The following SLC6A2 variants were observed in gnomAD, a reference collection of about 807,000 sequenced individuals.
SLC6A2 encodes solute carrier family 6 member 2.
Under a neutral mutation model 71.7 loss-of-function variants are expected in SLC6A2, and 26 were observed. That is an observed-to-expected ratio of 0.36 (90% confidence interval 0.27 to 0.50). The LOEUF (loss-of-function observed/expected upper bound fraction) is 0.50. SLC6A2 is among the 20% of genes least tolerant of loss of function. The probability of loss-of-function intolerance (pLI) is 0.96; values close to 1 mark genes in which losing one functional copy is unlikely to be tolerated. For missense variants in SLC6A2, 581 were observed against 803.9 expected (o/e 0.72, Z 3.35); for synonymous variants, 363 against 337.9 (o/e 1.07, Z -0.82).
rs150711505 is a variant in SLC6A2 at position 55,683,049 on chromosome 16, CA to C, written c.645-2091del. On this transcript the variant is annotated intron_variant, in intron 4 of 14. Coordinates refer to ENST00000568943, the MANE Select transcript of SLC6A2 (RefSeq NM_001172501.3). ...ACAAATGAACGATTAGGGTGCAGAG[CA>C]AATACCACACCAAGTTGTTCCCATT... Among the ~76,000 whole-genome samples the C allele has an allele frequency of 2.8e-3, 422 of 152,250 alleles. 3 individuals are homozygous for C. The highest frequency in any genetic ancestry group is 9.6e-3 in the African/African-American group (399 of 41,554).
In SLC6A2 at chr16:55,702,744, T is replaced by TCC; in HGVS notation, c.*400_*401dup. ...GGATGGGCTTTTGATCAGATACCCC[T>TCC]CCCAAAAAAAAAAAAAACTAAAACT... On this transcript the variant is annotated 3_prime_UTR_variant, in exon 15 of 15. Transcript: ENST00000568943. 4 of 645,194 alleles carry TCC rather than the reference T, an allele frequency of 6.2e-6. No homozygotes were observed. The African/African-American group carries it at 1.3e-4, about 20-fold the overall frequency. 40.0% of individuals were successfully genotyped at this position (645,194 alleles called of 1,614,324 possible).
rs1439541089 is a variant in SLC6A2 at position 55,702,384 on chromosome 16, G to A, written c.*38G>A. The A allele has an allele frequency of 6.8e-6, 11 of 1,614,162 alleles. No homozygotes were observed. The highest frequency in any genetic ancestry group is 9.3e-6 in the Non-Finnish European group (11 of 1,180,028). ...GAGAAGGAGGAACCCCCATGCCAAT[G>A]TCCAGGTCACAGGCATCCGCTGCGC... On this transcript the variant is annotated 3_prime_UTR_variant, in exon 15 of 15. Transcript: ENST00000568943.
intron 3 of SLC6A2, among the ~76,000 whole-genome samples, chr16:55,670,420 T>A (rs1297095783): frequency 6.6e-6 from 1 of 152,228 alleles, no homozygotes; most frequent in African/African-American, 2.4e-5. Context: ...GTTACTTTTT[T>A]TGTTGTTAAT....
chr16:55,701,802 A>C (rs535798765), intron 13 of SLC6A2, 61 bp from the exon 14 acceptor site: 7 of 1,287,552 alleles, frequency 5.4e-6, no homozygotes, highest in South Asian at 2.4e-5. Flanking sequence ...GGGTGCAGCC[A>C]GGCTGCCAGA....
chr16:55,671,588 C>A, intron 3 of SLC6A2: 1 of 493,718 alleles, frequency 2.0e-6, no homozygotes. Flanking sequence ...ACCGCCTGAG[C>A]TCCGCCTCCT....
At position 55,703,784 on chromosome 16, in the gene SLC6A2, G is replaced by A. The variant is rs576608403; in HGVS notation, c.*1438G>A. 121 of 985,378 alleles carry A rather than the reference G, an allele frequency of 1.2e-4. No homozygotes were observed. The African/African-American group carries it at 1.7e-3, about 14-fold the overall frequency. 61.0% of individuals were successfully genotyped at this position (985,378 alleles called of 1,614,324 possible). On this transcript the variant is annotated 3_prime_UTR_variant, in exon 15 of 15. Transcript: ENST00000568943. ...AATAAAGAAGCCGCTGCATTCGCAC[G>A]TCAAGAAGGTGCTTTGCCTCAAATT...
At position 55,705,328 on chromosome 16, in the gene SLC6A2, G is replaced by A. The variant is rs1429132831; in HGVS notation, c.*2982G>A. 16 of 1,216,662 alleles carry A rather than the reference G, an allele frequency of 1.3e-5. No homozygotes were observed. Among genetic ancestry groups the A allele is most frequent in the Non-Finnish European group, 1.6e-5 (14 of 862,064 alleles). The allele number at this position is 1,216,662 out of a possible 1,614,324, so 75.4% of individuals were successfully genotyped here. On this transcript the variant is annotated 3_prime_UTR_variant, in exon 15 of 15. Transcript: ENST00000568943. Reference sequence around the variant, plus strand: ...AAAAGGAGTTACCGCTCAGCTGGGAGCCAGTTCCTGCTATATGATCTGTTT... The same window carrying A: ...AAAAGGAGTTACCGCTCAGCTGGGAACCAGTTCCTGCTATATGATCTGTTT...
At position 55,673,240 on chromosome 16, in the gene SLC6A2, G is replaced by A. The variant is rs1964978651; in HGVS notation, c.644+1065G>A. 2.0e-5 allele frequency among the ~76,000 whole-genome samples: 3 copies of A among 152,334 alleles called. No individual in the cohort carries two copies. In the South Asian group the frequency reaches 6.2e-4, roughly 32 times the overall value. ...TATGCATTTTGGCGTGATTACCCTA[G>A]GAATGATGCTGTGCCCTCCTCAGTG... On this transcript the variant is annotated intron_variant, in intron 4 of 14. Transcript: ENST00000568943.
intron 4 of SLC6A2, among the ~76,000 whole-genome samples, 167 bp downstream of exon 4, chr16:55,672,342 C>T (rs1439829707): frequency 6.6e-6 from 1 of 152,128 alleles, no homozygotes; most frequent in Non-Finnish European, 1.5e-5. Flanking sequence ...GGACACGCCA[C>T]GGTCGAGGTA....
At chr16:55,696,382 C>T (rs1294426383) in intron 9 of SLC6A2, 45 bp downstream of exon 9, 1 of 1,145,742 alleles carries the variant, frequency 8.7e-7, no homozygotes, top group Admixed American at 1.7e-5. Flanking sequence ...CCCACTGGGC[C>T]TGACCCCCTT....
chr16:55,687,548 C>G (rs1351974132), intron 5 of SLC6A2, among the ~76,000 whole-genome samples: 1 of 144,456 alleles, frequency 6.9e-6, no homozygotes, highest in Admixed American at 6.7e-5. Flanking sequence ...AAGCCCCAGG[C>G]CAGCCTTGTC....
chr16:55,697,906 A>T lies in SLC6A2; in HGVS notation c.1270A>T (p.Met424Leu). ...TCCTGGTTCCCTCCAGATGGGAGGC[A>T]TGGAGGCTGTCATCACGGGCCTGGC... ...ALGLDSSMGG[M>L]EAVITGLADD... Residue 424 changes from methionine to leucine, a missense_variant, in exon 10 of 15, where the codon ATG becomes TTG. Transcript: ENST00000568943. The T allele has an allele frequency of 2.5e-6, 4 of 1,614,040 alleles. No homozygotes were observed. The highest frequency in any genetic ancestry group is 2.5e-6 in the Non-Finnish European group (3 of 1,179,986).
rs1157162858 is a variant in SLC6A2, at chr16:55,669,605, G to A, written c.315G>A (p.Ala105=). The change falls in exon 3 of 15, where the codon GCG becomes GCA. Residue 105 remains alanine, a synonymous_variant. Transcript: ENST00000568943. ...CGTACACACTGTTCCTTATCATCGC[G>A]GGGATGCCCCTGTTCTACATGGAGC... is the stretch of plus-strand genomic sequence containing the variant. The part of the protein sequence containing the change: ...LIPYTLFLII[A]GMPLFYMELA... 6 of 1,613,914 alleles carry A rather than the reference G, an allele frequency of 3.7e-6. No homozygotes were observed. Among genetic ancestry groups the A allele is most frequent in the Admixed American group, 1.7e-5 (1 of 59,990 alleles).
At chr16:55,668,098 C>G (rs1020080947) in intron 2 of SLC6A2, among the ~76,000 whole-genome samples, 14 of 152,142 alleles carry the variant, frequency 9.2e-5, no homozygotes, top group Admixed American at 4.6e-4. Context: ...TGCCCTGCCC[C>G]CCACCACTGA....
intron 11 of SLC6A2, among the ~76,000 whole-genome samples, chr16:55,698,808 C>T (rs1028060684): frequency 1.3e-5 from 2 of 152,200 alleles, no homozygotes; most frequent in Non-Finnish European, 2.9e-5. Flanking sequence ...AAAATGCTGA[C>T]CCCCAAGTCA....
Position 55,700,318 on chromosome 16 carries a change from T to G in SLC6A2, c.1758+12T>G, listed in dbSNP as rs541982770. 2.5e-6 allele frequency: 4 copies of G among 1,580,572 alleles called. No individual in the cohort carries two copies. In the South Asian group the frequency reaches 4.4e-5, roughly 17 times the overall value. ...GCTCTCTTTGGGAGGTGAGCTCTGG[T>G]CCTCCCCAGGGGAACAGGGTGGGAG... On this transcript the variant is annotated intron_variant, in intron 13 of 14. Transcript: ENST00000568943.
Position 55,695,372 on chromosome 16 carries a change from A to C in SLC6A2, c.1117A>C (p.Lys373Gln). The C allele has an allele frequency of 6.2e-7, 1 of 1,614,222 alleles. No homozygotes were observed. The highest frequency in any genetic ancestry group is 8.5e-7 in the Non-Finnish European group (1 of 1,180,022). Residue 373 changes from lysine (K) to glutamine (Q), a missense_variant, in exon 8 of 15, where the codon AAG (lysine) becomes CAG (glutamine). This residue lies in a region of SLC6A2 where 334 missense variants were observed against 449.0 expected (regional missense o/e 0.74). Coordinates refer to ENST00000568943, the MANE Select transcript of SLC6A2 (RefSeq NM_001172501.3). ...SILGYMAHEHKVNIEDVATEG... is the reference protein window; with the variant it reads ...SILGYMAHEHQVNIEDVATEG... ...CCTTGGTTACATGGCCCATGAACAC[A>C]AGGTCAACATTGAGGATGTGGCCAC...
In SLC6A2 at chr16:55,694,039, T is replaced by G. The variant is rs1201239658; in HGVS notation, c.948T>G (p.Phe316Leu). 1 of 1,613,910 alleles carries G rather than the reference T, an allele frequency of 6.2e-7. No homozygotes were observed. The highest frequency in any genetic ancestry group is 1.1e-5 in the South Asian group (1 of 91,068). The change falls in exon 7 of 15, where the codon TTT becomes TTG. Residue 316 changes from phenylalanine (F) to leucine (L), a missense_variant. Phe to Leu is a conservative substitution (Grantham distance 22). Coordinates refer to ENST00000568943, the MANE Select transcript of SLC6A2 (RefSeq NM_001172501.3). ...GGATTGATGCCGCAACTCAGATATTTTTTTCCTTGGGGGCTGGATTTGGAG... is the reference window on the plus strand; with the variant it reads ...GGATTGATGCCGCAACTCAGATATTGTTTTCCTTGGGGGCTGGATTTGGAG... ...TVWIDAATQIFFSLGAGFGVL... is the reference protein window; with the variant it reads ...TVWIDAATQILFSLGAGFGVL...
intron 14 of SLC6A2, 30 bp from the exon 15 acceptor site, chr16:55,702,293 T>A (rs1213518886): frequency 1.2e-6 from 2 of 1,613,040 alleles, no homozygotes; most frequent in African/African-American, 2.7e-5. Context: ...CCCCACCATG[T>A]CATCAAGTCC....
Sources: allele counts gnomAD v4.1 joint callset (sites outside exome capture counted in the v4.1 genomes callset), GRCh38; gene constraint gnomAD v4.1.1; regional missense constraint gnomAD v4.1.1; transcripts MANE v1.5; gene names NCBI Gene and HGNC (gene_info 2026-07-23, HGNC 2026-07-21).